The following PIK3C2A variants were observed in gnomAD, a reference collection of about 807,000 sequenced individuals.
The protein encoded by PIK3C2A is phosphatidylinositol-4-phosphate 3-kinase catalytic subunit type 2 alpha.
Under a neutral mutation model 204.5 loss-of-function variants are expected in PIK3C2A, and 97 were observed. The ratio of observed to expected loss-of-function variants is 0.47; its 90% CI spans 0.40 to 0.56. The LOEUF (loss-of-function observed/expected upper bound fraction) is 0.56, where lower values mean the gene tolerates loss of function less well. PIK3C2A is among the 20% of genes least tolerant of loss of function. PIK3C2A has a pLI of 0.00. For missense variants in PIK3C2A, 1,735 were observed against 1,969.2 expected (o/e 0.88, Z 2.25); for synonymous variants, 653 against 664.4 (o/e 0.98, Z 0.26).
intron 8 of PIK3C2A, chr11:17,137,941 C>CT: frequency 2.2e-6 from 1 of 447,688 alleles, no homozygotes. Flanking sequence ...TTTAAAAAGT[C>CT]TTTTAATTTT....
chr11:17,095,219 C>A (rs971252136), intron 27 of PIK3C2A, among the ~76,000 whole-genome samples: 6 of 152,004 alleles, frequency 3.9e-5, no homozygotes, highest in Admixed American at 6.6e-5. Flanking sequence ...TGAGCCAACA[C>A]TGCATCACTG....
intron 5 of PIK3C2A, among the ~76,000 whole-genome samples, chr11:17,148,019 A>G (rs1409567086): frequency 6.6e-6 from 1 of 152,032 alleles, no homozygotes; most frequent in Admixed American, 6.6e-5. Context: ...AGAGTTCGAG[A>G]CCAGCCTGAC....
Position 17,169,097 on chromosome 11 carries a change from A to G in PIK3C2A, c.645T>C (p.Tyr215=), listed in dbSNP as rs1281289261. The G allele has an allele frequency of 6.2e-7, 1 of 1,614,222 alleles. No individual in the cohort carries two copies. The change falls in exon 2 of 33, where the codon TAT becomes TAC. Residue 215 remains tyrosine, a synonymous_variant. Transcript: ENST00000691414. ...PFHPQGSLPI[Y]RPVVSTDMAK... The stretch of plus-strand genomic sequence containing the variant: ...CCATGTCAGTACTGACTACTGGACG[A>G]TAGATAGGTAAGCTTCCTTGTGGAT...
At chr11:17,147,735 A>G (rs530303217) in intron 5 of PIK3C2A, 107 bp from the exon 6 acceptor site, 1 of 624,062 alleles carries the variant, frequency 1.6e-6, no homozygotes, top group Admixed American at 2.8e-5. Context: ...GAATGGTGAA[A>G]CAGAGACAGT....
At chr11:17,207,661 G>T (rs1852634331) in intron 1 of PIK3C2A, among the ~76,000 whole-genome samples, 187 bp downstream of exon 1, 1 of 152,096 alleles carries the variant, frequency 6.6e-6, no homozygotes, top group Non-Finnish European at 1.5e-5. Flanking sequence ...TGGAAGCAAG[G>T]CCCGGAGGGA....
At chr11:17,102,613 G>A in intron 24 of PIK3C2A, 49 bp downstream of exon 24, 1 of 1,453,072 alleles carries the variant, frequency 6.9e-7, no homozygotes, top group Non-Finnish European at 9.4e-7. Context: ...ACTTTAATTT[G>A]TGAAACAGGA....
chr11:17,191,171 A>G (rs1162541286), intron 1 of PIK3C2A, among the ~76,000 whole-genome samples: 1 of 152,198 alleles, frequency 6.6e-6, no homozygotes, highest in African/African-American at 2.4e-5. Context: ...TTAATTTTAC[A>G]TCCTACCTAT....
At chr11:17,118,499 A>G (rs1849274929) in intron 18 of PIK3C2A, 146 bp downstream of exon 18, 1 of 510,298 alleles carries the variant, frequency 2.0e-6, no homozygotes, top group African/African-American at 2.0e-5. Context: ...TTAGAGGGTA[A>G]ATTTAGCTCC....
chr11:17,104,019 C>T (rs376476346), intron 23 of PIK3C2A, among the ~76,000 whole-genome samples: 3 of 152,114 alleles, frequency 2.0e-5, no homozygotes, highest in East Asian at 1.9e-4. Context: ...GGTCAAAATT[C>T]CCCTGCATTA....
intron 27 of PIK3C2A, among the ~76,000 whole-genome samples, chr11:17,096,762 G>C (rs1212126290): frequency 6.6e-6 from 1 of 152,194 alleles, no homozygotes; most frequent in Non-Finnish European, 1.5e-5. Flanking sequence ...TTTTGTATCA[G>C]AGACTGGAAT....
At chr11:17,185,225 GC>G (rs373790639) in intron 1 of PIK3C2A, among the ~76,000 whole-genome samples, 12 of 152,152 alleles carry the variant, frequency 7.9e-5, no homozygotes, top group African/African-American at 2.7e-4. Context: ...TGTTGCAATT[GC>G]CTACAGTATT....
Position 17,105,258 on chromosome 11 carries a change from C to T in PIK3C2A, c.3592G>A (p.Val1198Met). 2 of 1,610,976 alleles carry T rather than the reference C, an allele frequency of 1.2e-6. No individual in the cohort carries two copies. Among genetic ancestry groups the T allele is most frequent in the Non-Finnish European group, 1.7e-6 (2 of 1,178,240 alleles). ...AAGGATCCTGTCACACCATATTCCA[C>T]TTGGATTTTCCTGAGGGTATCGGAA... Reference protein sequence around the residue: ...PASDTLRKIQVEYGVTGSFKD... With the variant: ...PASDTLRKIQMEYGVTGSFKD... Residue 1198 changes from valine to methionine, a missense_variant, in exon 23 of 33, where the codon GTG (valine) becomes ATG (methionine). Around this residue, in one of 6 missense-constraint regions of PIK3C2A, gnomAD observed 503 missense variants for 669.0 expected, o/e 0.75. Transcript: ENST00000691414.
rs17847720 is a variant in PIK3C2A at position 17,120,154 on chromosome 11, C to T, written c.2658-180G>A. On this transcript the variant is annotated intron_variant, in intron 15 of 32. Coordinates refer to ENST00000691414, the MANE Select transcript of PIK3C2A (RefSeq NM_002645.4). ...GCAAATGCCAGTAATTAATGCTAATCCGGGAACTGAAAGGAATGATTATGT... is the reference window on the plus strand; with the variant it reads ...GCAAATGCCAGTAATTAATGCTAATTCGGGAACTGAAAGGAATGATTATGT... Among the ~76,000 whole-genome samples the T allele has an allele frequency of 3.6e-4, 55 of 151,998 alleles. 1 individual carries two copies. In the East Asian group the frequency reaches 7.3e-3, roughly 20 times the overall value.
At chr11:17,148,207 CAAA>C (rs5789974) in intron 5 of PIK3C2A, 13 of 99,814 alleles carry the variant, frequency 1.3e-4, no homozygotes, top group Non-Finnish European at 1.4e-4. Context: ...AACTCCGTCT[CAAA>C]AAAAAAAAAA....
At chr11:17,101,779 A>ATT (rs1245538368) in intron 24 of PIK3C2A, among the ~76,000 whole-genome samples, 4 of 151,278 alleles carry the variant, frequency 2.6e-5, no homozygotes, top group African/African-American at 9.7e-5. Context: ...AATTTTTTGT[A>ATT]TTTTTAGTAG....
At chr11:17,135,278 A>C (rs1849833598) in intron 9 of PIK3C2A, 119 bp from the exon 10 acceptor site, 1 of 896,644 alleles carries the variant, frequency 1.1e-6, no homozygotes, top group South Asian at 1.5e-5. Context: ...CTACAGAATT[A>C]ATAAAACGAT....
At chr11:17,177,782 A>T (rs1851386010) in intron 1 of PIK3C2A, among the ~76,000 whole-genome samples, 1 of 152,142 alleles carries the variant, frequency 6.6e-6, no homozygotes, top group African/African-American at 2.4e-5. Context: ...ATTCGGTTAC[A>T]GCGACGCTGT....
chr11:17,104,951 G>A (rs1239573125), intron 23 of PIK3C2A, among the ~76,000 whole-genome samples: 1 of 151,984 alleles, frequency 6.6e-6, no homozygotes, highest in African/African-American at 2.4e-5. Flanking sequence ...TATGTGTTTG[G>A]AAATTTTTGG....
chr11:17,118,955 A>G (rs555068341), intron 17 of PIK3C2A, among the ~76,000 whole-genome samples: 123 of 152,358 alleles, frequency 8.1e-4, no homozygotes, highest in African/African-American at 2.9e-3. Context: ...TGAACTCACC[A>G]GTAAAGAAAA....
Sources: gnomAD v4.1 joint callset for allele counts (sites outside exome capture counted in the v4.1 genomes callset) on GRCh38, gnomAD v4.1.1 for gene constraint, gnomAD v4.1.1 regional missense constraint, MANE v1.5 for transcripts, NCBI Gene and HGNC (gene_info 2026-07-23, HGNC 2026-07-21) for gene names.